The following RANBP2 variants were observed in gnomAD, a reference collection of about 807,000 sequenced individuals.
RANBP2 encodes E3 SUMO-protein ligase RanBP2.
RANBP2 carries 57 observed loss-of-function variants against 303.6 expected under a neutral mutation model. The ratio of observed to expected loss-of-function variants is 0.19; its 90% CI spans 0.15 to 0.23. The LOEUF (loss-of-function observed/expected upper bound fraction) is 0.23. RANBP2 is among the 10% of genes least tolerant of loss of function. RANBP2 has a pLI of 1.00. For synonymous variants in RANBP2, 1,167 were observed against 1,301.5 expected, an observed-to-expected ratio of 0.90 and a Z score of 2.23; for missense variants, 3,138 against 3,780.8, an observed-to-expected ratio of 0.83 and a Z score of 4.46.
chr2:109,092,145 T>A, the RANBP2 span, among the ~76,000 whole-genome samples: 14 of 152,260 alleles, frequency 9.2e-5, no homozygotes, highest in African/African-American at 3.1e-4. Flanking sequence ...GGAGGGGATC[T>A]CAGAAGGAAC....
the RANBP2 span, among the ~76,000 whole-genome samples, chr2:109,621,039 T>C: frequency 6.6e-6 from 1 of 152,212 alleles, no homozygotes; most frequent in East Asian, 1.9e-4. Context: ...GAAACACTGC[T>C]CTAAACCATA....
chr2:109,263,861 C>T, the RANBP2 span, among the ~76,000 whole-genome samples: 10 of 152,092 alleles, frequency 6.6e-5, no homozygotes, highest in East Asian at 1.9e-4. Context: ...CCCAGCTGCT[C>T]GGGAGGCTGA....
the RANBP2 span, among the ~76,000 whole-genome samples, chr2:109,093,406 T>TAAAAAAAAAAA: frequency 1.1e-5 from 1 of 90,716 alleles, no homozygotes; most frequent in Non-Finnish European, 2.2e-5. Context: ...CGGAGATTTG[T>TAAAAAAAAAAA]AAAAAAAAAA....
chr2:109,203,459 T>C, the RANBP2 span, among the ~76,000 whole-genome samples: 6 of 152,158 alleles, frequency 3.9e-5, no homozygotes, highest in Non-Finnish European at 7.4e-5. Context: ...CATGACATAT[T>C]CTTTAAGTCG....
the RANBP2 span, chr2:109,613,797 CCAGGTGCCGCGCCACCT>C: frequency 3.2e-6 from 4 of 1,231,854 alleles, no homozygotes; most frequent in Non-Finnish European, 4.0e-6. Context: ...GCGGGACTCA[CCAGGTGCCGCGCCACCT>C]CGGAGGAGGC....
the RANBP2 span, among the ~76,000 whole-genome samples, chr2:109,099,128 G>A: frequency 6.6e-6 from 1 of 152,166 alleles, no homozygotes; most frequent in Admixed American, 6.5e-5. Context: ...TTGGCTAAGT[G>A]TACTTATTTA....
the RANBP2 span, among the ~76,000 whole-genome samples, chr2:109,426,078 T>C: frequency 3.3e-5 from 5 of 152,244 alleles, no homozygotes; most frequent in East Asian, 1.9e-4. Context: ...TTGTATATTG[T>C]ATATTTTTTT....
At chr2:108,928,091 G>A in the RANBP2 span, among the ~76,000 whole-genome samples, 1 of 152,058 alleles carries the variant, frequency 6.6e-6, no homozygotes, top group Admixed American at 6.6e-5. Flanking sequence ...AGTCTTCAGC[G>A]GTGGTTTCCA....
chr2:109,558,534 C>T, the RANBP2 span, among the ~76,000 whole-genome samples: 1 of 152,104 alleles, frequency 6.6e-6, no homozygotes, highest in African/African-American at 2.4e-5. Context: ...TTTATAAAGG[C>T]ATGTTTCCAA....
At chr2:109,448,715 A>G in the RANBP2 span, among the ~76,000 whole-genome samples, 1 of 152,212 alleles carries the variant, frequency 6.6e-6, no homozygotes, top group South Asian at 2.1e-4. Flanking sequence ...ACAATGTAGT[A>G]ATAATAGAAA....
the RANBP2 span, among the ~76,000 whole-genome samples, chr2:109,233,477 G>T: frequency 2.6e-5 from 4 of 152,338 alleles, no homozygotes; most frequent in East Asian, 7.7e-4. Flanking sequence ...TGCCAGTGCA[G>T]TTTGGGGGTT....
At chr2:108,948,768 A>T in the RANBP2 span, among the ~76,000 whole-genome samples, 3 of 152,296 alleles carry the variant, frequency 2.0e-5, no homozygotes, top group African/African-American at 7.2e-5. Flanking sequence ...ACATGTGGGG[A>T]TTACAGTTTG....
At chr2:109,608,351 T>C in the RANBP2 span, among the ~76,000 whole-genome samples, 1 of 152,194 alleles carries the variant, frequency 6.6e-6, no homozygotes. Flanking sequence ...GTGAACTCTT[T>C]CTATGTAACA....
At chr2:109,305,787 G>A in the RANBP2 span, among the ~76,000 whole-genome samples, 1,340 of 152,342 alleles carry the variant, frequency 8.8e-3, 15 homozygotes, top group African/African-American at 0.031. Flanking sequence ...CACAAAACTT[G>A]CTGGAGGTGG....
the RANBP2 span, among the ~76,000 whole-genome samples, chr2:108,970,900 T>A: frequency 6.6e-6 from 1 of 152,180 alleles, no homozygotes; most frequent in South Asian, 2.1e-4. Context: ...AGTGATAGAT[T>A]TGCTAATTCT....
At chr2:109,505,916 T>A in the RANBP2 span, among the ~76,000 whole-genome samples, 1 of 152,212 alleles carries the variant, frequency 6.6e-6, no homozygotes, top group South Asian at 2.1e-4. Flanking sequence ...AGAGGGTGCC[T>A]GGCAGGCCGT....
At chr2:108,775,512 T>G (rs1677818626) in intron 23 of RANBP2, among the ~76,000 whole-genome samples, 1 of 152,196 alleles carries the variant, frequency 6.6e-6, no homozygotes, top group Admixed American at 6.5e-5. Context: ...AGATCCTTAT[T>G]CTTCCTGTTT....
the RANBP2 span, chr2:109,613,920 G>A: frequency 4.1e-6 from 5 of 1,220,144 alleles, no homozygotes; most frequent in African/African-American, 4.7e-5. Flanking sequence ...GAGGGCAGAA[G>A]CAACGGGCGG....
At chr2:109,144,837 G>A in the RANBP2 span, among the ~76,000 whole-genome samples, 2 of 152,214 alleles carry the variant, frequency 1.3e-5, no homozygotes, top group Admixed American at 1.3e-4. Context: ...ACCAAGAGAC[G>A]GGCAGGGGGC....
Sources: gnomAD v4.1 joint callset for allele counts (sites outside exome capture counted in the v4.1 genomes callset) on GRCh38, gnomAD v4.1.1 for gene constraint, MANE v1.5 for transcripts, NCBI Gene and HGNC (gene_info 2026-07-23, HGNC 2026-07-21) for gene names.